Variants in INSL6 observed in about 807,000 individuals in gnomAD.
INSL6 encodes insulin like 6.
INSL6 carries 16 observed loss-of-function variants against 9.4 expected under a neutral mutation model. The ratio of observed to expected loss-of-function variants is 1.70; its 90% CI spans 1.15 to 2.59. The LOEUF (loss-of-function observed/expected upper bound fraction) is 2.59, where lower values mean the gene tolerates loss of function less well. Among genes scored for constraint, INSL6 ranks in the 30% most tolerant of loss-of-function variants. The probability of loss-of-function intolerance (pLI) is 0.00; values close to 1 mark genes in which losing one functional copy is unlikely to be tolerated. For synonymous variants in INSL6, 154 were observed against 96.9 expected, an observed-to-expected ratio of 1.59 and a Z score of -3.46; for missense variants, 391 against 257.3, an observed-to-expected ratio of 1.52 and a Z score of -3.56.
the INSL6 span, among the ~76,000 whole-genome samples, chr9:5,075,494 T>C: frequency 1.3e-5 from 2 of 152,196 alleles, no homozygotes. Flanking sequence ...CTCTGCGAAT[T>C]ATGCTAAGTC....
chr9:5,122,708 T>TA (rs1823705641), downstream of INSL6, among the ~76,000 whole-genome samples: 1 of 151,972 alleles, frequency 6.6e-6, no homozygotes, highest in Admixed American at 6.6e-5. Flanking sequence ...GCCTGGCACA[T>TA]ACTAAAGTTA....
At position 5,164,100 on chromosome 9, in the gene INSL6, C is replaced by G. The variant is rs750419451; in HGVS notation, c.455G>C (p.Arg152Thr). Residue 152 changes from arginine (R) to threonine (T), a missense_variant, in exon 2 of 2, where the codon AGA becomes ACA. Physicochemically the swap from Arg to Thr is moderately conservative, Grantham distance 71. Transcript: ENST00000381641. ...ATTGCTTAAGGTTTTAATTTTGTTT[C>G]TACGTTTCTTCTGAAATTTTGCATT... is the stretch of plus-strand genomic sequence containing the variant. ...HENAKFQKKRRNKIKTLSNLF... is the reference protein window; with the variant it reads ...HENAKFQKKRTNKIKTLSNLF... The G allele has an allele frequency of 6.2e-7, 1 of 1,612,798 alleles. No individual in the cohort carries two copies. Among genetic ancestry groups the G allele is most frequent in the Non-Finnish European group, 8.5e-7 (1 of 1,179,686 alleles).
chr9:5,016,775 T>C, the INSL6 span, among the ~76,000 whole-genome samples: 2 of 152,262 alleles, frequency 1.3e-5, no homozygotes, highest in East Asian at 3.9e-4. Context: ...CCTGCCAAGC[T>C]AACCATTATC....
chr9:5,005,743 C>G, the INSL6 span, among the ~76,000 whole-genome samples: 1 of 152,070 alleles, frequency 6.6e-6, no homozygotes. Context: ...ATGTTTCTTC[C>G]TCAGACATTT....
chr9:5,174,246 C>A (rs1038189557), intron 1 of INSL6, among the ~76,000 whole-genome samples: 1 of 152,150 alleles, frequency 6.6e-6, no homozygotes. Flanking sequence ...CAGCTACCAT[C>A]GTATCTATTT....
chr9:5,004,902 G>T, the INSL6 span, among the ~76,000 whole-genome samples: 1 of 149,900 alleles, frequency 6.7e-6, no homozygotes, highest in Non-Finnish European at 1.5e-5. Context: ...GAACATGTTG[G>T]CCATTTACAT....
chr9:5,037,596 C>G, the INSL6 span, among the ~76,000 whole-genome samples: 2 of 152,126 alleles, frequency 1.3e-5, no homozygotes, highest in Admixed American at 1.3e-4. Flanking sequence ...TCTCAGCAAA[C>G]TATCGCAAGG....
chr9:5,177,372 C>T (rs896989836), intron 1 of INSL6, among the ~76,000 whole-genome samples: 4 of 152,164 alleles, frequency 2.6e-5, no homozygotes, highest in Non-Finnish European at 5.9e-5. Context: ...ATCTCTGAAA[C>T]CCAGATCAGG....
chr9:5,124,046 T>C (rs1823811579), exon 4 of INSL6, among the ~76,000 whole-genome samples: 1 of 151,878 alleles, frequency 6.6e-6, no homozygotes, highest in Admixed American at 6.6e-5. Context: ...TGTCCACTTT[T>C]TAACACGATT....
At chr9:5,137,722 G>A (rs1269788015) in intron 2 of INSL6, among the ~76,000 whole-genome samples, 1 of 152,094 alleles carries the variant, frequency 6.6e-6, no homozygotes, top group African/African-American at 2.4e-5. Flanking sequence ...GGCAACAAAA[G>A]CCAAAATTGA....
At chr9:5,048,138 T>G in the INSL6 span, among the ~76,000 whole-genome samples, 1 of 151,994 alleles carries the variant, frequency 6.6e-6, no homozygotes, top group African/African-American at 2.4e-5. Context: ...TACCAGTTCT[T>G]TTCTTTTCTT....
the INSL6 span, among the ~76,000 whole-genome samples, chr9:5,106,520 T>C: frequency 6.6e-6 from 1 of 152,132 alleles, no homozygotes; most frequent in South Asian, 2.1e-4. Context: ...GAACTAGAAA[T>C]ACCATTTGAC....
the INSL6 span, among the ~76,000 whole-genome samples, chr9:5,051,090 C>G: frequency 1.3e-5 from 2 of 152,040 alleles, no homozygotes; most frequent in African/African-American, 2.4e-5. Flanking sequence ...TGTTGACGTT[C>G]AAAAAGTTCT....
chr9:5,038,875 A>G, the INSL6 span, among the ~76,000 whole-genome samples: 4 of 152,106 alleles, frequency 2.6e-5, no homozygotes, highest in Non-Finnish European at 5.9e-5. Flanking sequence ...TCAATGTAAT[A>G]CACCACATTA....
the INSL6 span, among the ~76,000 whole-genome samples, chr9:4,992,036 C>G: frequency 4.6e-5 from 7 of 152,176 alleles, no homozygotes; most frequent in African/African-American, 1.7e-4. Flanking sequence ...GTAATTGAGA[C>G]AGGGCACACC....
chr9:4,994,360 A>G, the INSL6 span, among the ~76,000 whole-genome samples: 3 of 152,308 alleles, frequency 2.0e-5, no homozygotes, highest in South Asian at 6.2e-4. Flanking sequence ...AGAATTACCT[A>G]AAGGACTTAT....
the INSL6 span, among the ~76,000 whole-genome samples, chr9:5,045,794 G>T: frequency 6.6e-6 from 1 of 152,106 alleles, no homozygotes; most frequent in African/African-American, 2.4e-5. Context: ...TATGTATACT[G>T]CATTTTATTT....
At chr9:5,026,526 CAT>C in the INSL6 span, among the ~76,000 whole-genome samples, 26 of 152,230 alleles carry the variant, frequency 1.7e-4, no homozygotes, top group African/African-American at 6.0e-4. Flanking sequence ...ATAGTGAAAA[CAT>C]AACTAGAATA....
At chr9:5,151,234 A>G (rs1313212613) in intron 2 of INSL6, among the ~76,000 whole-genome samples, 1 of 152,140 alleles carries the variant, frequency 6.6e-6, no homozygotes, top group Non-Finnish European at 1.5e-5. Flanking sequence ...AATCAATATT[A>G]ACAATTACAT....
Sources: allele counts gnomAD v4.1 joint callset (sites outside exome capture counted in the v4.1 genomes callset), GRCh38; gene constraint gnomAD v4.1.1; transcripts MANE v1.5; gene names NCBI Gene and HGNC (gene_info 2026-07-23, HGNC 2026-07-21).